The following PIBF1 variants were observed in gnomAD, a reference collection of about 807,000 sequenced individuals.
PIBF1 encodes the protein progesterone immunomodulatory binding factor 1, also known as progesterone-induced-blocking factor 1.
In PIBF1, 90 loss-of-function variants were observed where a neutral mutation model predicts 112.5. The observed-to-expected ratio is 0.80, with a 90% confidence interval of 0.67 to 0.95. The LOEUF is 0.95. Among genes scored for constraint, PIBF1 ranks in the 40% least tolerant of loss-of-function variants. PIBF1 has a pLI of 0.00. For synonymous variants in PIBF1, 301 were observed against 288.6 expected (o/e 1.04, Z -0.44); for missense variants, 915 against 852.3 (o/e 1.07, Z -0.92).
intron 13 of PIBF1, among the ~76,000 whole-genome samples, chr13:72,917,536 A>G (rs146412576): frequency 6.6e-6 from 1 of 151,544 alleles, no homozygotes; most frequent in Non-Finnish European, 1.5e-5. Context: ...ATTCCTTCAC[A>G]TACATGTTAG....
At chr13:72,963,526 G>A (rs1004253841) in intron 14 of PIBF1, among the ~76,000 whole-genome samples, 6 of 152,062 alleles carry the variant, frequency 3.9e-5, no homozygotes, top group Admixed American at 1.3e-4. Context: ...TCCAGGAGGC[G>A]GAGGTTGCAG....
At chr13:72,929,537 T>C (rs2041637471) in intron 13 of PIBF1, among the ~76,000 whole-genome samples, 1 of 152,084 alleles carries the variant, frequency 6.6e-6, no homozygotes, top group Non-Finnish European at 1.5e-5. Context: ...CTTGAGATAA[T>C]GAAAATGCTC....
At chr13:72,785,765 A>C (rs575190930) in intron 2 of PIBF1, among the ~76,000 whole-genome samples, 36 of 152,272 alleles carry the variant, frequency 2.4e-4, no homozygotes, top group Non-Finnish European at 4.3e-4. Flanking sequence ...TCATTAATTC[A>C]CCCACTCAGT....
chr13:72,912,771 C>G (rs1235511753), intron 12 of PIBF1, among the ~76,000 whole-genome samples: 1 of 152,008 alleles, frequency 6.6e-6, no homozygotes, highest in East Asian at 1.9e-4. Flanking sequence ...GAATACTTCT[C>G]CTCACTGGAA....
At chr13:72,843,526 C>T (rs917527974) in intron 9 of PIBF1, among the ~76,000 whole-genome samples, 2 of 152,208 alleles carry the variant, frequency 1.3e-5, no homozygotes, top group Non-Finnish European at 2.9e-5. Context: ...ATTATCCTGC[C>T]TCAGCCTCCC....
intron 14 of PIBF1, among the ~76,000 whole-genome samples, chr13:72,963,466 C>T (rs376579686): frequency 9.9e-5 from 15 of 152,110 alleles, no homozygotes; most frequent in Admixed American, 6.6e-4. Context: ...TGGTGGCGCA[C>T]GCCTCTAATC....
chr13:72,845,324 T>A (rs1040680315), intron 9 of PIBF1, among the ~76,000 whole-genome samples: 47 of 152,328 alleles, frequency 3.1e-4, no homozygotes, highest in Middle Eastern at 3.4e-3. Flanking sequence ...ATCTCATTCC[T>A]TTTTATGGCT....
At chr13:72,873,913 CAT>C (rs563785143) in intron 10 of PIBF1, among the ~76,000 whole-genome samples, 51 of 152,244 alleles carry the variant, frequency 3.3e-4, no homozygotes, top group African/African-American at 1.2e-3. Flanking sequence ...CTCAATTTAA[CAT>C]TTTTTAAAAT....
intron 11 of PIBF1, among the ~76,000 whole-genome samples, chr13:72,895,812 G>A (rs762975758): frequency 2.0e-4 from 30 of 152,092 alleles, no homozygotes; most frequent in African/African-American, 4.3e-4. Flanking sequence ...TGAAGGAAGC[G>A]GACTGCTCCT....
At chr13:72,799,689 A>T (rs898304999) in intron 5 of PIBF1, among the ~76,000 whole-genome samples, 7 of 152,204 alleles carry the variant, frequency 4.6e-5, no homozygotes, top group Admixed American at 4.6e-4. Context: ...TAAAATGCCC[A>T]GGATGGTTTT....
At chr13:72,790,130 C>T (rs2138367922) in intron 2 of PIBF1, among the ~76,000 whole-genome samples, 1 of 152,132 alleles carries the variant, frequency 6.6e-6, no homozygotes, top group South Asian at 2.1e-4. Context: ...TTAATTCTTG[C>T]TTTAGACTAT....
chr13:72,833,998 A>G (rs1298733979), intron 8 of PIBF1, among the ~76,000 whole-genome samples: 1 of 152,216 alleles, frequency 6.6e-6, no homozygotes, highest in Non-Finnish European at 1.5e-5. Flanking sequence ...TCTTTTAGAT[A>G]GATAGATATA....
At chr13:72,986,025 T>C (rs970794775) in intron 16 of PIBF1, among the ~76,000 whole-genome samples, 4 of 151,864 alleles carry the variant, frequency 2.6e-5, no homozygotes, top group African/African-American at 9.7e-5. Context: ...TAGCTAGATG[T>C]GGTGGCTCGT....
chr13:72,881,499 C>T (rs553653627), intron 10 of PIBF1, among the ~76,000 whole-genome samples: 4 of 152,034 alleles, frequency 2.6e-5, no homozygotes, highest in African/African-American at 4.8e-5. Context: ...GGGTGGATCA[C>T]GAGGTCAGGA....
At chr13:72,987,520 G>A (rs2043329003) in intron 16 of PIBF1, among the ~76,000 whole-genome samples, 1 of 151,992 alleles carries the variant, frequency 6.6e-6, no homozygotes, top group Non-Finnish European at 1.5e-5. Context: ...GACATTGATG[G>A]AAGGCATCTG....
chr13:72,902,078 A>T lies in PIBF1; in HGVS notation c.1489-6453A>T, dbSNP rs111627819. ...CCATAAAAAGGAATGAATTAACAGC[A>T]TTTGCAGTGACCTAAATGAGATTGG... On this transcript the variant is annotated intron_variant, in intron 11 of 17. Transcript: ENST00000326291. 2.0e-3 allele frequency among the ~76,000 whole-genome samples: 285 copies of T among 140,522 alleles called. 1 individual carries two copies. Among genetic ancestry groups the T allele is most frequent in the African/African-American group, 6.5e-3 (263 of 40,346 alleles). 92.2% of individuals were successfully genotyped at this position (140,522 alleles called of 152,430 possible).
chr13:72,974,795 C>A (rs1404314563), intron 16 of PIBF1, among the ~76,000 whole-genome samples: 1 of 152,092 alleles, frequency 6.6e-6, no homozygotes, highest in East Asian at 1.9e-4. Flanking sequence ...CAAAAGTTTC[C>A]ATTTCTCTTG....
chr13:72,814,607 C>A lies in PIBF1; in HGVS notation c.673-7242C>A, dbSNP rs986119843. Among the ~76,000 whole-genome samples, 18 of 151,650 alleles carry A rather than the reference C, an allele frequency of 1.2e-4. No homozygotes were observed. In the South Asian group the frequency reaches 2.3e-3, roughly 19 times the overall value. ...ACTTACTTGGCAATTAGAAACGTAT[C>A]TTTTGGATTAAAGAGCAAAGAAAAA... On this transcript the variant is annotated intron_variant, in intron 5 of 17. Coordinates refer to ENST00000326291, the MANE Select transcript of PIBF1 (RefSeq NM_006346.4).
intron 5 of PIBF1, among the ~76,000 whole-genome samples, chr13:72,812,639 C>T (rs1332440528): frequency 6.6e-6 from 1 of 151,974 alleles, no homozygotes; most frequent in Non-Finnish European, 1.5e-5. Context: ...CAAAAATTAG[C>T]TGGGTGTGGT....
Sources: allele counts gnomAD v4.1 joint callset (sites outside exome capture counted in the v4.1 genomes callset), GRCh38; gene constraint gnomAD v4.1.1; transcripts MANE v1.5; gene names NCBI Gene and HGNC (gene_info 2026-07-23, HGNC 2026-07-21).